The following TEC variants were observed in gnomAD, a reference collection of about 807,000 sequenced individuals.
TEC encodes the protein tec protein tyrosine kinase.
TEC carries 72 observed loss-of-function variants against 93.0 expected under a neutral mutation model. That is an observed-to-expected ratio of 0.77 (90% CI 0.64 to 0.94). The LOEUF is 0.94. TEC is among the 40% of genes least tolerant of loss of function. The pLI, the probability that TEC is intolerant of heterozygous loss-of-function variation, is 0.00. For missense variants in TEC, 630 were observed against 757.9 expected (o/e 0.83, Z 1.98); for synonymous variants, 249 against 247.7 (o/e 1.01, Z -0.05).
In TEC at chr4:48,206,554, C is replaced by T. The variant is rs1201328137; in HGVS notation, c.138+21923G>A. ...TGGACAGTGAACACATGTAGACTTG[C>T]TCATTTTCATTCGTGATAAGAGAAA... On this transcript the variant is annotated intron_variant, in intron 2 of 17. Coordinates refer to ENST00000381501, the MANE Select transcript of TEC (RefSeq NM_003215.3). Among the ~76,000 whole-genome samples, 3 of 152,070 alleles carry T rather than the reference C, an allele frequency of 2.0e-5. No homozygotes were observed. The East Asian group carries it at 5.8e-4, about 29-fold the overall frequency.
At chr4:48,242,454 AG>A (rs1446709695) in intron 1 of TEC, among the ~76,000 whole-genome samples, 2 of 152,230 alleles carry the variant, frequency 1.3e-5, no homozygotes, top group African/African-American at 4.8e-5. Flanking sequence ...CAAATCTCAA[AG>A]GTAACAGAAG....
intron 3 of TEC, among the ~76,000 whole-genome samples, chr4:48,174,777 G>A (rs1047258230): frequency 6.6e-6 from 1 of 152,140 alleles, no homozygotes; most frequent in African/African-American, 2.4e-5. Context: ...GATCCAGGTG[G>A]TAGGTGTAAT....
intron 1 of TEC, among the ~76,000 whole-genome samples, chr4:48,257,485 G>C (rs183528439): frequency 6.6e-6 from 1 of 152,252 alleles, no homozygotes; most frequent in African/African-American, 2.4e-5. Context: ...ACCTCAGTGA[G>C]TAGAGCTCAG....
intron 11 of TEC, among the ~76,000 whole-genome samples, chr4:48,147,746 A>G (rs1450617995): frequency 6.6e-6 from 1 of 152,206 alleles, no homozygotes; most frequent in Non-Finnish European, 1.5e-5. Context: ...GTAGACTTGT[A>G]TGCTGGCCTG....
intron 2 of TEC, among the ~76,000 whole-genome samples, chr4:48,224,863 T>A (rs1357690721): frequency 6.6e-6 from 1 of 152,196 alleles, no homozygotes; most frequent in East Asian, 1.9e-4. Flanking sequence ...GTCCAGAGAA[T>A]AAGGAGAAGA....
At chr4:48,167,079 C>T (rs1720899430) in intron 7 of TEC, among the ~76,000 whole-genome samples, 1 of 151,980 alleles carries the variant, frequency 6.6e-6, no homozygotes, top group Admixed American at 6.6e-5. Flanking sequence ...ACAGAGTTTG[C>T]TTATGAAGCC....
At chr4:48,208,782 A>G (rs1194246411) in intron 2 of TEC, among the ~76,000 whole-genome samples, 1 of 152,196 alleles carries the variant, frequency 6.6e-6, no homozygotes, top group Non-Finnish European at 1.5e-5. Context: ...ACAGCAGGGC[A>G]TTTACCTTCT....
chr4:48,170,918 G>T (rs574450875), intron 4 of TEC, among the ~76,000 whole-genome samples: 11 of 152,194 alleles, frequency 7.2e-5, no homozygotes, highest in Non-Finnish European at 1.6e-4. Flanking sequence ...GGGCATGGTG[G>T]TGGGTGCCTG....
chr4:48,261,491 A>G (rs12510551), intron 1 of TEC, among the ~76,000 whole-genome samples: 141,118 of 152,262 alleles, frequency 0.93, 66,381 homozygotes, highest in East Asian at 1. Flanking sequence ...GGGCAGTCAT[A>G]TGGAAATCCC....
intron 2 of TEC, among the ~76,000 whole-genome samples, chr4:48,177,677 G>T (rs930540485): frequency 5.9e-5 from 9 of 152,266 alleles, no homozygotes; most frequent in African/African-American, 2.2e-4. Flanking sequence ...GATATGGTCT[G>T]GCTCTGTGTC....
chr4:48,246,220 G>A (rs1314211097), intron 1 of TEC, among the ~76,000 whole-genome samples: 5 of 151,980 alleles, frequency 3.3e-5, no homozygotes, highest in Admixed American at 2.0e-4. Context: ...ATTTAACCAA[G>A]GAAGAATGAG....
At chr4:48,224,529 C>T (rs1560416122) in intron 2 of TEC, among the ~76,000 whole-genome samples, 1 of 152,150 alleles carries the variant, frequency 6.6e-6, no homozygotes, top group African/African-American at 2.4e-5. Flanking sequence ...ACTTATGAAA[C>T]CTCCAGTGTC....
At chr4:48,218,833 T>G (rs1487858268) in intron 2 of TEC, among the ~76,000 whole-genome samples, 1 of 152,182 alleles carries the variant, frequency 6.6e-6, no homozygotes, top group Non-Finnish European at 1.5e-5. Flanking sequence ...TACTTGTAAC[T>G]GATTGCCTGC....
intron 1 of TEC, among the ~76,000 whole-genome samples, chr4:48,259,294 A>C (rs1724429385): frequency 6.6e-6 from 1 of 152,210 alleles, no homozygotes; most frequent in Non-Finnish European, 1.5e-5. Context: ...TAATGAAACA[A>C]TATGTATAAA....
chr4:48,163,680 C>T, intron 8 of TEC, 22 bp downstream of exon 8: 1 of 1,388,888 alleles, frequency 7.2e-7, no homozygotes, highest in Non-Finnish European at 9.8e-7. Context: ...TTTCCACATT[C>T]ACAAAATAAA....
At chr4:48,166,875 C>A (rs1339084677) in intron 7 of TEC, among the ~76,000 whole-genome samples, 6 of 151,446 alleles carry the variant, frequency 4.0e-5, no homozygotes, top group African/African-American at 1.5e-4. Flanking sequence ...AAAAGGACCC[C>A]GCCTAAACTA....
At chr4:48,169,844 C>T (rs542412085) in intron 5 of TEC, among the ~76,000 whole-genome samples, 1 of 152,334 alleles carries the variant, frequency 6.6e-6, no homozygotes, top group South Asian at 2.1e-4. Context: ...GAAGCCACTA[C>T]TGAAATCCAT....
chr4:48,149,867 T>A (rs1373951896), intron 10 of TEC, among the ~76,000 whole-genome samples, 177 bp from the exon 11 acceptor site: 1 of 152,204 alleles, frequency 6.6e-6, no homozygotes, highest in Non-Finnish European at 1.5e-5. Context: ...CATGTCAAAG[T>A]TTTTAAATTA....
intron 2 of TEC, among the ~76,000 whole-genome samples, chr4:48,219,618 C>T (rs1344670431): frequency 2.0e-5 from 3 of 152,190 alleles, no homozygotes; most frequent in Non-Finnish European, 4.4e-5. Context: ...GAAGAAAACG[C>T]TGACGTATGC....
Sources: allele counts gnomAD v4.1 joint callset (sites outside exome capture counted in the v4.1 genomes callset), GRCh38; gene constraint gnomAD v4.1.1; transcripts MANE v1.5; gene names NCBI Gene and HGNC (gene_info 2026-07-23, HGNC 2026-07-21).